Variants in NDUFS5 observed in about 807,000 individuals in gnomAD.
The protein encoded by NDUFS5 is NADH:ubiquinone oxidoreductase subunit S5.
Under a neutral mutation model 10.5 loss-of-function variants are expected in NDUFS5, and 7 were observed. The observed-to-expected ratio is 0.66, with a 90% CI of 0.38 to 1.25. The LOEUF (loss-of-function observed/expected upper bound fraction) is 1.25, where lower values mean the gene tolerates loss of function less well. Ranked by LOEUF, NDUFS5 falls within the 50% of genes most tolerant of loss-of-function variation. NDUFS5 has a pLI of 0.02. For synonymous variants in NDUFS5, 38 were observed against 44.0 expected (o/e 0.86, Z 0.54); for missense variants, 148 against 140.7 (o/e 1.05, Z -0.26).
At position 39,028,825 on chromosome 1, in the gene NDUFS5, A is replaced by G. The variant is rs936363644; in HGVS notation, c.101A>G (p.His34Arg). ...CCCTACAAGATGGCTGGTCGATGCC[A>G]TGCTTTTGAAAAAGAATGGATAGAA... is the stretch of plus-strand genomic sequence containing the variant. ...EQPYKMAGRCHAFEKEWIECA... is the reference protein window; with the variant it reads ...EQPYKMAGRCRAFEKEWIECA... Residue 34 changes from histidine (H) to arginine (R), a missense_variant, in exon 2 of 3, where the codon CAT becomes CGT. Coordinates refer to ENST00000372969, the MANE Select transcript of NDUFS5 (RefSeq NM_004552.3). The G allele has an allele frequency of 1.9e-6, 3 of 1,614,188 alleles. No homozygotes were observed. The highest frequency in any genetic ancestry group is 3.3e-5 in the Admixed American group (2 of 60,002).
chr1:39,027,331 C>CA (rs1390557679), intron 1 of NDUFS5, among the ~76,000 whole-genome samples: 1 of 152,172 alleles, frequency 6.6e-6, no homozygotes, highest in Non-Finnish European at 1.5e-5. Context: ...CTCGGCCTCC[C>CA]AAGGTGCTGG....
Position 39,028,866 on chromosome 1 carries a change from G to A in NDUFS5, c.142G>A (p.Gly48Ser), listed in dbSNP as rs370024650. The change falls in exon 2 of 3, where the codon GGT (glycine) becomes AGT (serine). Residue 48 changes from glycine to serine, a missense_variant. Transcript: ENST00000372969. ...ATGGATAGAATGTGCACATGGAATCGGTTATACTCGGGCAGAGAAAGAGTG... is the reference window on the plus strand; with the variant it reads ...ATGGATAGAATGTGCACATGGAATCAGTTATACTCGGGCAGAGAAAGAGTG... Reference protein sequence around the residue: ...KEWIECAHGIGYTRAEKECKI... With the variant: ...KEWIECAHGISYTRAEKECKI... 65 of 1,613,972 alleles carry A rather than the reference G, an allele frequency of 4.0e-5. No individual in the cohort carries two copies. Among genetic ancestry groups the A allele is most frequent in the African/African-American group, 1.7e-4 (13 of 74,900 alleles).
At chr1:39,030,540 AC>A (rs1278883746) in intron 2 of NDUFS5, among the ~76,000 whole-genome samples, 1 of 152,114 alleles carries the variant, frequency 6.6e-6, no homozygotes, top group African/African-American at 2.4e-5. Context: ...CCCCGTCTGT[AC>A]TAAAAATACA....
In NDUFS5 at chr1:39,027,581, G is replaced by GTTTTTTTTTTTTTTTTTTTTTTTTTT. The variant is rs760373747; in HGVS notation, c.-2-1127_-2-1126insTTTTTTTTTTTTTTTTTTTTTTTTTT. Among the ~76,000 whole-genome samples the GTTTTTTTTTTTTTTTTTTTTTTTTTT allele has an allele frequency of 6.6e-5, 6 of 91,162 alleles. 1 individual carries two copies. The highest frequency in any genetic ancestry group is 3.2e-4 in the South Asian group (1 of 3,154). The allele number at this position is 91,162 out of a possible 152,430, so 59.8% of individuals were successfully genotyped here. A position where few individuals can be genotyped will look rare whatever the true frequency, so the allele number is the denominator to read the frequency against. Reference sequence around the variant, plus strand: ...GTCTTAACCCATTTCTTTCGCTCTGGTTTTTTTTTTTTTTTGAGACAGGAT... The same window carrying GTTTTTTTTTTTTTTTTTTTTTTTTTT: ...GTCTTAACCCATTTCTTTCGCTCTGGTTTTTTTTTTTTTTTTTTTTTTTTTTTTTTTTTTTTTTTTTGAGACAGGAT... On this transcript the variant is annotated intron_variant, in intron 1 of 2. Transcript: ENST00000372969.
chr1:39,029,524 T>C (rs1235205529), intron 2 of NDUFS5, among the ~76,000 whole-genome samples: 1 of 152,202 alleles, frequency 6.6e-6, no homozygotes, highest in Non-Finnish European at 1.5e-5. Context: ...AAATTGCATG[T>C]GTGTGTATAC....
At chr1:39,026,824 ACT>A (rs1246461895) in intron 1 of NDUFS5, among the ~76,000 whole-genome samples, 1 of 152,062 alleles carries the variant, frequency 6.6e-6, no homozygotes, top group Admixed American at 6.6e-5. Flanking sequence ...CAACTGGAAC[ACT>A]CTGCCCACTG....
chr1:39,026,740 A>G (rs554769624), intron 1 of NDUFS5, among the ~76,000 whole-genome samples: 8 of 152,158 alleles, frequency 5.3e-5, no homozygotes, highest in African/African-American at 1.9e-4. Context: ...CATTCTTTTC[A>G]CCGTCATGCA....
Position 39,028,745 on chromosome 1 carries a change from G to T in NDUFS5, c.21G>T (p.Gln7His). 1 of 1,613,998 alleles carries T rather than the reference G, an allele frequency of 6.2e-7. No individual in the cohort carries two copies. The highest frequency in any genetic ancestry group is 1.1e-5 in the South Asian group (1 of 91,058). Reference sequence around the variant, plus strand: ...CAGCCATGCCTTTCTTGGACATCCAGAAAAGGTTCGGCCTTAACATAGATC... The same window carrying T: ...CAGCCATGCCTTTCTTGGACATCCATAAAAGGTTCGGCCTTAACATAGATC... MPFLDI[Q>H]KRFGLNIDRW... Residue 7 changes from glutamine (Q) to histidine (H), a missense_variant, in exon 2 of 3, where the codon CAG (glutamine) becomes CAT (histidine). Physicochemically the swap from Gln to His is conservative, Grantham distance 24. Coordinates refer to ENST00000372969, the MANE Select transcript of NDUFS5 (RefSeq NM_004552.3).
At chr1:39,027,517 A>C (rs1644158047) in intron 1 of NDUFS5, among the ~76,000 whole-genome samples, 1 of 150,506 alleles carries the variant, frequency 6.6e-6, no homozygotes, top group Non-Finnish European at 1.5e-5. Flanking sequence ...TTTGCATGTA[A>C]ATTTTTTTCC....
chr1:39,026,952 A>G (rs553594859), intron 1 of NDUFS5, among the ~76,000 whole-genome samples: 1 of 152,344 alleles, frequency 6.6e-6, no homozygotes, highest in East Asian at 1.9e-4. Context: ...TGTATTCGCA[A>G]TTCCGAGTGT....
rs1644177494 is a variant in NDUFS5 at position 39,029,825 on chromosome 1, G to T, written c.216+885G>T. On this transcript the variant is annotated intron_variant, in intron 2 of 2. Coordinates refer to ENST00000372969, the MANE Select transcript of NDUFS5 (RefSeq NM_004552.3). ...TTGAATGAGTTGGCCAGGCACGGTGGCTCACGCCTGTAATCCCAGGACTTT... is the reference window on the plus strand; with the variant it reads ...TTGAATGAGTTGGCCAGGCACGGTGTCTCACGCCTGTAATCCCAGGACTTT... Among the ~76,000 whole-genome samples the T allele has an allele frequency of 2.0e-5, 3 of 152,190 alleles. No homozygotes were observed. The South Asian group carries it at 6.2e-4, about 32-fold the overall frequency.
In NDUFS5 at chr1:39,034,498, C is replaced by G. The variant is rs762741599; in HGVS notation, c.*2C>G. On this transcript the variant is annotated 3_prime_UTR_variant, in exon 3 of 3. Transcript: ENST00000372969. ...GGCAAGGGGGAGCCTCGGCCCTGAA[C>G]AGAGCAGCTGCTGATGTCTGGAGGC... The G allele has an allele frequency of 5.0e-6, 8 of 1,612,784 alleles. No homozygotes were observed. In the South Asian group the frequency reaches 7.7e-5, roughly 16 times the overall value.
At chr1:39,027,808 C>T (rs1269080105) in intron 1 of NDUFS5, among the ~76,000 whole-genome samples, 29 of 19,620 alleles carry the variant, frequency 1.5e-3, no homozygotes, top group East Asian at 2.8e-3. Flanking sequence ...TTTTTTTCTT[C>T]TTCTTCTTTT....
chr1:39,030,388 G>A (rs541336023), intron 2 of NDUFS5, among the ~76,000 whole-genome samples: 1 of 142,690 alleles, frequency 7.0e-6, no homozygotes, highest in Non-Finnish European at 1.5e-5. Flanking sequence ...CTGGGCGACA[G>A]AGCGAGACTC....
intron 2 of NDUFS5, among the ~76,000 whole-genome samples, chr1:39,032,013 C>T (rs1220214502): frequency 6.6e-6 from 1 of 151,966 alleles, no homozygotes; most frequent in Non-Finnish European, 1.5e-5. Context: ...AAAAAATTAG[C>T]TGGGTGTGGT....
At chr1:39,034,311 C>T (rs950745538) in intron 2 of NDUFS5, 81 bp from the exon 3 acceptor site, 1 of 1,390,542 alleles carries the variant, frequency 7.2e-7, no homozygotes, top group African/African-American at 1.4e-5. Context: ...AAAAATGAAA[C>T]CAAAATTGAT....
chr1:39,031,613 A>G (rs1644191266), intron 2 of NDUFS5, among the ~76,000 whole-genome samples: 1 of 152,076 alleles, frequency 6.6e-6, no homozygotes, highest in Non-Finnish European at 1.5e-5. Context: ...GCAAACCACC[A>G]CTAGTTTTGT....
intron 2 of NDUFS5, among the ~76,000 whole-genome samples, chr1:39,029,375 G>A (rs1051658289): frequency 6.6e-6 from 1 of 152,132 alleles, no homozygotes; most frequent in Non-Finnish European, 1.5e-5. Flanking sequence ...CTTTTCTGGT[G>A]AAATACCTTT....
intron 1 of NDUFS5, among the ~76,000 whole-genome samples, chr1:39,028,360 A>C (rs1424452142): frequency 6.6e-6 from 1 of 151,966 alleles, no homozygotes; most frequent in Non-Finnish European, 1.5e-5. Flanking sequence ...TGAACCCTGG[A>C]GGAGGAGGTT....
Sources: gnomAD v4.1 joint callset for allele counts (sites outside exome capture counted in the v4.1 genomes callset) on GRCh38, gnomAD v4.1.1 for gene constraint, MANE v1.5 for transcripts, NCBI Gene and HGNC (gene_info 2026-07-23, HGNC 2026-07-21) for gene names.